Variants in WNT2 observed in about 807,000 individuals in gnomAD.
The protein encoded by WNT2 is Wnt family member 2.
WNT2 carries 12 observed loss-of-function variants against 36.9 expected under a neutral mutation model. The ratio of observed to expected loss-of-function variants is 0.33; its 90% CI spans 0.21 to 0.53. The LOEUF is 0.53. Among genes scored for constraint, WNT2 ranks in the 20% least tolerant of loss-of-function variants. WNT2 has a pLI of 0.95. For synonymous variants in WNT2, 163 were observed against 174.6 expected, an observed-to-expected ratio of 0.93 and a Z score of 0.52; for missense variants, 379 against 473.1, an observed-to-expected ratio of 0.80 and a Z score of 1.84.
At chr7:117,319,343 C>T (rs995656816) in intron 2 of WNT2, among the ~76,000 whole-genome samples, 48 of 152,100 alleles carry the variant, frequency 3.2e-4, no homozygotes, top group Admixed American at 3.1e-3. Flanking sequence ...TGCAGAATAT[C>T]GCAGTAAATT....
At position 117,322,608 on chromosome 7, in the gene WNT2, T is replaced by C. The variant is rs1446940651; in HGVS notation, c.83+299A>G. On this transcript the variant is annotated intron_variant, in intron 1 of 4. Coordinates refer to ENST00000265441, the MANE Select transcript of WNT2 (RefSeq NM_003391.3). This position sits in a 1 kb window ranked among gnomAD's most constrained non-coding sequence, Gnocchi z 5.4. ...GAGCTGGAGACCAGGCTAGCACGTC[T>C]CTCAACAGGATAAGAAATTGGCTGA... Among the ~76,000 whole-genome samples the C allele has an allele frequency of 1.3e-5, 2 of 151,668 alleles. No homozygotes were observed. The highest frequency in any genetic ancestry group is 2.9e-5 in the Non-Finnish European group (2 of 67,972).
At chr7:117,287,259 C>A (rs918137576) in intron 4 of WNT2, among the ~76,000 whole-genome samples, 3 of 152,148 alleles carry the variant, frequency 2.0e-5, no homozygotes, top group Admixed American at 2.0e-4. Context: ...GCAGGAGAAT[C>A]GCTTGAACCC....
intron 4 of WNT2, among the ~76,000 whole-genome samples, chr7:117,286,007 G>A (rs1209869563): frequency 2.0e-5 from 3 of 152,100 alleles, no homozygotes; most frequent in Non-Finnish European, 2.9e-5. Context: ...AGGCAAAGTC[G>A]TTAAGGTTTG....
At chr7:117,296,278 G>A (rs191357527) in intron 4 of WNT2, among the ~76,000 whole-genome samples, 113 of 152,266 alleles carry the variant, frequency 7.4e-4, no homozygotes, top group African/African-American at 2.5e-3. Context: ...CCTCTGCTCC[G>A]TTGTCATTAA....
intron 3 of WNT2, among the ~76,000 whole-genome samples, chr7:117,298,629 G>A (rs1008652793): frequency 1.3e-5 from 2 of 152,142 alleles, no homozygotes; most frequent in African/African-American, 2.4e-5. Flanking sequence ...CCTTTTCTGT[G>A]GGTGCGAGGC....
Position 117,297,697 on chromosome 7 carries a change from A to G in WNT2, c.768T>C (p.Ala256=), listed in dbSNP as rs373540369. ...TCGTTGGCTTCTTAAACCTCTCGTT[A>G]GCCACAGTGAAACCTGTGCCATCCT... ...MNQDGTGFTV[A]NERFKKPTKN... is the part of the protein sequence containing the mutation. The change falls in exon 4 of 5, where the codon GCT becomes GCC. Residue 256 remains alanine, a synonymous_variant. Coordinates refer to ENST00000265441, the MANE Select transcript of WNT2 (RefSeq NM_003391.3). 29 of 1,614,090 alleles carry G rather than the reference A, an allele frequency of 1.8e-5. No individual in the cohort carries two copies. The highest frequency in any genetic ancestry group is 2.3e-5 in the Non-Finnish European group (27 of 1,180,030).
rs566580606 is a variant in WNT2, at chr7:117,318,900, C to A, written c.310+1667G>T. 2.0e-5 allele frequency among the ~76,000 whole-genome samples: 3 copies of A among 152,272 alleles called. No homozygotes were observed. The East Asian group carries it at 5.8e-4, about 29-fold the overall frequency. Reference sequence around the variant, plus strand: ...AAGTTACAGTATTTTATAAATGAATCCCCAGCTTTGATGGATATATTTTCT... The same window carrying A: ...AAGTTACAGTATTTTATAAATGAATACCCAGCTTTGATGGATATATTTTCT... On this transcript the variant is annotated intron_variant, in intron 2 of 4. Coordinates refer to ENST00000265441, the MANE Select transcript of WNT2 (RefSeq NM_003391.3).
chr7:117,298,028 G>T, intron 3 of WNT2, 152 bp from the exon 4 acceptor site: 1 of 1,152,420 alleles, frequency 8.7e-7, no homozygotes, highest in Non-Finnish European at 1.2e-6. Context: ...CTTGTCACTT[G>T]TTAGCCACAT....
At chr7:117,304,480 A>C (rs1021794378) in intron 3 of WNT2, among the ~76,000 whole-genome samples, 22 of 138,410 alleles carry the variant, frequency 1.6e-4, no homozygotes, top group Non-Finnish European at 3.0e-4. Flanking sequence ...CTTGTTGGCC[A>C]GGCTGGAGTG....
intron 3 of WNT2, among the ~76,000 whole-genome samples, chr7:117,311,047 T>A (rs1795111482): frequency 1.3e-5 from 2 of 152,214 alleles, no homozygotes; most frequent in South Asian, 4.1e-4. Context: ...ATAAAATAAC[T>A]GTTGAACCAA....
At chr7:117,296,540 C>G (rs1185134332) in intron 4 of WNT2, among the ~76,000 whole-genome samples, 1 of 151,664 alleles carries the variant, frequency 6.6e-6, no homozygotes, top group East Asian at 1.9e-4. Flanking sequence ...ATAATGAATT[C>G]CTTTGCTTTC....
chr7:117,314,867 A>G (rs112157428), intron 3 of WNT2, among the ~76,000 whole-genome samples: 5 of 152,312 alleles, frequency 3.3e-5, no homozygotes, highest in African/African-American at 1.2e-4. Flanking sequence ...TCAACTAGCT[A>G]TAGGAAGGAA....
intron 4 of WNT2, among the ~76,000 whole-genome samples, chr7:117,282,587 G>C (rs1455553771): frequency 6.6e-6 from 1 of 152,200 alleles, no homozygotes; most frequent in Non-Finnish European, 1.5e-5. Flanking sequence ...GCAGGAAAGT[G>C]TTCCCTGTGG....
chr7:117,275,871 GTAGGTT>G lies in WNT2; in HGVS notation c.*2278_*2283del, dbSNP rs1794350980. 6.6e-6 allele frequency among the ~76,000 whole-genome samples: 1 copy of G among 152,200 alleles called. No homozygotes were observed. The stretch of plus-strand genomic sequence containing the variant: ...TCCCTTATGGATTAGGACAATTTAT[GTAGGTT>G]CCTACGTGGATATCCTTGTCCCCTT... On this transcript the variant is annotated 3_prime_UTR_variant, in exon 5 of 5. Transcript: ENST00000265441.
At position 117,284,221 on chromosome 7, in the gene WNT2, A is replaced by G. The variant is rs746698912; in HGVS notation, c.854-5837T>C. Reference sequence around the variant, plus strand: ...GCAGAATCTATACAAAATCGCTGGCATTACTTTCCCCTTAATGAATTACAA... The same window carrying G: ...GCAGAATCTATACAAAATCGCTGGCGTTACTTTCCCCTTAATGAATTACAA... On this transcript the variant is annotated intron_variant, in intron 4 of 4. Coordinates refer to ENST00000265441, the MANE Select transcript of WNT2 (RefSeq NM_003391.3). The surrounding 1 kb of genome is among the most constrained non-coding windows in gnomAD (Gnocchi z 5.2). Among the ~76,000 whole-genome samples, 33 of 152,214 alleles carry G rather than the reference A, an allele frequency of 2.2e-4. No homozygotes were observed. Among genetic ancestry groups the G allele is most frequent in the Admixed American group, 1.1e-3 (17 of 15,280 alleles).
chr7:117,297,755 T>C lies in WNT2; in HGVS notation c.710A>G (p.Lys237Arg). The C allele has an allele frequency of 1.2e-6, 2 of 1,614,180 alleles. No homozygotes were observed. The highest frequency in any genetic ancestry group is 1.7e-6 in the Non-Finnish European group (2 of 1,180,012). Reference protein sequence around the residue: ...FRKTGDYLWRKYNGAIQVVMN... With the variant: ...FRKTGDYLWRRYNGAIQVVMN... ...GACCACCTGGATGGCCCCATTGTACTTCCTCCAGAGATAATCGCCCGTTTT... is the reference window on the plus strand; with the variant it reads ...GACCACCTGGATGGCCCCATTGTACCTCCTCCAGAGATAATCGCCCGTTTT... Residue 237 changes from lysine (K) to arginine (R), a missense_variant, in exon 4 of 5, where the codon AAG becomes AGG. Coordinates refer to ENST00000265441, the MANE Select transcript of WNT2 (RefSeq NM_003391.3).
chr7:117,303,957 A>G (rs1422144818), intron 3 of WNT2, among the ~76,000 whole-genome samples: 1 of 152,166 alleles, frequency 6.6e-6, no homozygotes, highest in East Asian at 1.9e-4. Context: ...TCTTGTGCCA[A>G]CCAGGACTGG....
chr7:117,288,686 T>G (rs529719077), intron 4 of WNT2, among the ~76,000 whole-genome samples: 1 of 152,148 alleles, frequency 6.6e-6, no homozygotes, highest in South Asian at 2.1e-4. Context: ...AATAAGAAAA[T>G]AAACATTTTT....
chr7:117,307,093 A>T (rs892271171), intron 3 of WNT2, among the ~76,000 whole-genome samples: 2 of 152,114 alleles, frequency 1.3e-5, no homozygotes, highest in African/African-American at 2.4e-5. Flanking sequence ...AAACTTCTAG[A>T]TATTAGCATT....
Sources: gnomAD v4.1 joint callset for allele counts (sites outside exome capture counted in the v4.1 genomes callset) on GRCh38, gnomAD v4.1.1 for gene constraint, Gnocchi (gnomAD v3.1) non-coding constraint, MANE v1.5 for transcripts, NCBI Gene and HGNC (gene_info 2026-07-23, HGNC 2026-07-21) for gene names.